Variants in PRKAR1B observed in about 807,000 individuals in gnomAD.
PRKAR1B encodes the protein cAMP-dependent protein kinase type I-beta regulatory subunit.
PRKAR1B carries 22 observed loss-of-function variants against 46.5 expected under a neutral mutation model. That is an observed-to-expected ratio of 0.47 (90% CI 0.34 to 0.68). The LOEUF (loss-of-function observed/expected upper bound fraction) is 0.68. PRKAR1B is among the 30% of genes least tolerant of loss of function. PRKAR1B has a pLI of 0.01. For missense variants in PRKAR1B, 445 were observed against 535.6 expected, an observed-to-expected ratio of 0.83 and a Z score of 1.67; for synonymous variants, 259 against 217.7, an observed-to-expected ratio of 1.19 and a Z score of -1.67.
chr7:701,281 A>T (rs1339234524), intron 2 of PRKAR1B, among the ~76,000 whole-genome samples: 3 of 149,986 alleles, frequency 2.0e-5, no homozygotes, highest in Non-Finnish European at 4.4e-5. Flanking sequence ...AGAAAGAAAG[A>T]AAGAGAAAGA....
At chr7:564,429 G>A (rs1486601238) in intron 9 of PRKAR1B, among the ~76,000 whole-genome samples, 4 of 152,212 alleles carry the variant, frequency 2.6e-5, no homozygotes, top group Admixed American at 6.5e-5. Flanking sequence ...CCCTGTCTCC[G>A]TGGCTCGAAG....
In PRKAR1B at chr7:579,250, T is replaced by TCTCACCTCCGTGATGATGTAAA. The variant is rs752550153; in HGVS notation, c.875_891+5dup. The TCTCACCTCCGTGATGATGTAAA allele has an allele frequency of 1.9e-6, 3 of 1,614,076 alleles. No individual in the cohort carries two copies. The East Asian group carries it at 6.7e-5, about 36-fold the overall frequency. ...CCAGAGCGCCCACGTGGGAAGCACGTCTCACCTCCGTGATGATGTAAAAGT... is the reference window on the plus strand; with the variant it reads ...CCAGAGCGCCCACGTGGGAAGCACGTCTCACCTCCGTGATGATGTAAACTCACCTCCGTGATGATGTAAAAGT... On this transcript the variant is annotated splice_donor_region_variant and intron_variant, in intron 9 of 10. Coordinates refer to ENST00000537384, the MANE Select transcript of PRKAR1B (RefSeq NM_001164760.2).
chr7:585,237 T>C (rs1378968280), intron 7 of PRKAR1B, among the ~76,000 whole-genome samples: 1 of 152,182 alleles, frequency 6.6e-6, no homozygotes, highest in South Asian at 2.1e-4. Context: ...TGATGGGCCC[T>C]GGTGCAAACA....
At chr7:665,515 TA>T (rs1785861240) in intron 4 of PRKAR1B, among the ~76,000 whole-genome samples, 1 of 152,238 alleles carries the variant, frequency 6.6e-6, no homozygotes, top group Non-Finnish European at 1.5e-5. Flanking sequence ...ATTCAGCTTC[TA>T]AAGCCTCCCG....
chr7:583,168 C>G (rs1043123783), intron 8 of PRKAR1B, among the ~76,000 whole-genome samples: 3 of 152,098 alleles, frequency 2.0e-5, no homozygotes, highest in African/African-American at 4.8e-5. Flanking sequence ...CTCAACGGCC[C>G]TGAAATGCGC....
intron 4 of PRKAR1B, among the ~76,000 whole-genome samples, chr7:654,522 CCAT>C (rs1280740668): frequency 2.6e-5 from 4 of 151,148 alleles, no homozygotes; most frequent in Non-Finnish European, 4.4e-5. Context: ...ATCTTCATCA[CCAT>C]CATCACCATC....
At chr7:616,706 T>TAAA (rs1782840957) in intron 4 of PRKAR1B, among the ~76,000 whole-genome samples, 1 of 152,150 alleles carries the variant, frequency 6.6e-6, no homozygotes, top group Non-Finnish European at 1.5e-5. Flanking sequence ...CCCAGCCTTT[T>TAAA]CCCTCCACAC....
chr7:691,590 C>G (rs1390250145), intron 2 of PRKAR1B: 2 of 1,304,354 alleles, frequency 1.5e-6, no homozygotes, highest in Non-Finnish European at 2.0e-6. Context: ...TCCTTTCGGA[C>G]AGCCCAAAGT....
chr7:698,564 G>A lies in PRKAR1B; in HGVS notation c.177+12765C>T, dbSNP rs574583750. Among the ~76,000 whole-genome samples, 4 of 152,156 alleles carry A rather than the reference G, an allele frequency of 2.6e-5. No homozygotes were observed. The East Asian group carries it at 7.7e-4, about 29-fold the overall frequency. ...TACATATCCAACTAAGTACATGTGT[G>A]TGCACATCCAGAGAGGTACATGCAT... On this transcript the variant is annotated intron_variant, in intron 2 of 10. Coordinates refer to ENST00000537384, the MANE Select transcript of PRKAR1B (RefSeq NM_001164760.2).
In PRKAR1B at chr7:685,353, C is replaced by CTATAT. The variant is rs1554303194; in HGVS notation, c.178-4628_178-4627insATATA. ...GTATATATACGTATATATATGTATACATATATATATACACATATATATATA... is the reference window on the plus strand; with the variant it reads ...GTATATATACGTATATATATGTATACTATATATATATATATACACATATATATATA... On this transcript the variant is annotated intron_variant, in intron 2 of 10. Coordinates refer to ENST00000537384, the MANE Select transcript of PRKAR1B (RefSeq NM_001164760.2). Among the ~76,000 whole-genome samples the CTATAT allele has an allele frequency of 4.1e-5, 2 of 48,914 alleles. 1 individual carries two copies. Among genetic ancestry groups the CTATAT allele is most frequent in the African/African-American group, 1.8e-4 (2 of 11,286 alleles). The allele number at this position is 48,914 out of a possible 152,430, so 32.1% of individuals were successfully genotyped here.
intron 9 of PRKAR1B, among the ~76,000 whole-genome samples, chr7:565,798 G>A (rs922246210): frequency 6.6e-6 from 1 of 152,142 alleles, no homozygotes; most frequent in Non-Finnish European, 1.5e-5. Flanking sequence ...ACTTGGCCCA[G>A]CTGGGTGGCT....
chr7:616,008 A>AGAG lies in PRKAR1B; in HGVS notation c.441-8557_441-8556insCTC, dbSNP rs1554293511. Among the ~76,000 whole-genome samples the AGAG allele has an allele frequency of 4.3e-4, 64 of 149,396 alleles. 1 individual carries two copies. Among genetic ancestry groups the AGAG allele is most frequent in the African/African-American group, 1.5e-3 (60 of 40,660 alleles). On this transcript the variant is annotated intron_variant, in intron 4 of 10. Coordinates refer to ENST00000537384, the MANE Select transcript of PRKAR1B (RefSeq NM_001164760.2). ...AGGGAGAGAGAAAGAAAAAGGAAGA[A>AGAG]AGAGAGAGAGAGAGAGAGAAAGCAG...
intron 9 of PRKAR1B, among the ~76,000 whole-genome samples, chr7:556,419 G>A (rs78062666): frequency 0.091 from 13,781 of 151,296 alleles, 768 homozygotes; most frequent in East Asian, 0.26. Context: ...TGCAACCGGC[G>A]GCCTTCGGAT....
chr7:593,227 G>C lies in PRKAR1B; in HGVS notation c.708+2919C>G, dbSNP rs142211766. On this transcript the variant is annotated intron_variant, in intron 7 of 10. Coordinates refer to ENST00000537384, the MANE Select transcript of PRKAR1B (RefSeq NM_001164760.2). This position sits in a 1 kb window ranked among gnomAD's most constrained non-coding sequence, Gnocchi z 6.1. ...TCAGACACTCTGGGATCCTAAACTG[G>C]AGTCAGCGTTCACATTTTGGGCGGT... Among the ~76,000 whole-genome samples the C allele has an allele frequency of 1.4e-3, 215 of 152,214 alleles. 3 individuals carry two copies. Among genetic ancestry groups the C allele is most frequent in the Middle Eastern group, 0.014 (4 of 292 alleles).
At chr7:594,386 C>T (rs562856092) in intron 7 of PRKAR1B, among the ~76,000 whole-genome samples, 2 of 152,134 alleles carry the variant, frequency 1.3e-5, no homozygotes, top group Non-Finnish European at 2.9e-5. Flanking sequence ...CCCCAGGCCC[C>T]GAAGGAGAGG....
At chr7:616,140 T>C (rs1010856619) in intron 4 of PRKAR1B, among the ~76,000 whole-genome samples, 1 of 152,042 alleles carries the variant, frequency 6.6e-6, no homozygotes, top group Non-Finnish European at 1.5e-5. Flanking sequence ...ACTGGGTGGG[T>C]CTCAGCCCCT....
At chr7:711,666 A>G in intron 1 of PRKAR1B, 139 bp from the exon 2 acceptor site, 1 of 813,734 alleles carries the variant, frequency 1.2e-6, no homozygotes, top group Non-Finnish European at 1.9e-6. Flanking sequence ...AAGATCTTTC[A>G]TTCTGTGGGG....
chr7:683,095 A>T lies in PRKAR1B; in HGVS notation c.178-2369T>A, dbSNP rs182086417. 5.3e-5 allele frequency among the ~76,000 whole-genome samples: 8 copies of T among 152,310 alleles called. No individual in the cohort carries two copies. The East Asian group carries it at 1.5e-3, about 29-fold the overall frequency. ...GAGGTGGAGGAGGAATTCAGGGGCA[A>T]CCAGGCCAAGTTCCCTACCAATGCC... On this transcript the variant is annotated intron_variant, in intron 2 of 10. Transcript: ENST00000537384.
At chr7:661,895 C>T (rs867040390) in intron 4 of PRKAR1B, among the ~76,000 whole-genome samples, 4 of 63,276 alleles carry the variant, frequency 6.3e-5, no homozygotes, top group African/African-American at 2.9e-4. Context: ...ACCTACTCTC[C>T]CCCCCATGGC....
Sources: allele counts gnomAD v4.1 joint callset (sites outside exome capture counted in the v4.1 genomes callset), GRCh38; gene constraint gnomAD v4.1.1; non-coding constraint Gnocchi (gnomAD v3.1); transcripts MANE v1.5; gene names NCBI Gene and HGNC (gene_info 2026-07-23, HGNC 2026-07-21).